The following UST variants were observed in gnomAD, a reference collection of about 807,000 sequenced individuals.
UST encodes uronyl 2-sulfotransferase, also known as chondroitin sulfate 2-O-sulfotransferase.
In UST, 21 loss-of-function variants were observed where a neutral mutation model predicts 45.6. The ratio of observed to expected loss-of-function variants is 0.46; its 90% CI spans 0.33 to 0.66. The LOEUF (loss-of-function observed/expected upper bound fraction) is 0.66, where lower values mean the gene tolerates loss of function less well. Among genes scored for constraint, UST ranks in the 30% least tolerant of loss-of-function variants. The probability of loss-of-function intolerance (pLI) is 0.02; values close to 1 mark genes in which losing one functional copy is unlikely to be tolerated. For missense variants in UST, 463 were observed against 512.4 expected, an observed-to-expected ratio of 0.90 and a Z score of 0.93; for synonymous variants, 215 against 200.6, an observed-to-expected ratio of 1.07 and a Z score of -0.61.
chr6:148,770,756 G>A (rs1031141318), intron 1 of UST, among the ~76,000 whole-genome samples: 1 of 152,144 alleles, frequency 6.6e-6, no homozygotes, highest in African/African-American at 2.4e-5. Flanking sequence ...CTGCAGACAA[G>A]GAGCCTGAAT....
chr6:149,004,512 G>A (rs1781609427), intron 5 of UST, among the ~76,000 whole-genome samples: 1 of 152,206 alleles, frequency 6.6e-6, no homozygotes, highest in Non-Finnish European at 1.5e-5. Context: ...GGTGCCCCAG[G>A]AAGGGGCCCC....
intron 2 of UST, among the ~76,000 whole-genome samples, chr6:148,907,994 C>T (rs1219365667): frequency 1.4e-5 from 2 of 147,864 alleles, no homozygotes; most frequent in Non-Finnish European, 1.5e-5. Flanking sequence ...CTGCAACCTC[C>T]GTCTCGCAGG....
intron 1 of UST, among the ~76,000 whole-genome samples, chr6:148,778,805 A>G (rs1375743313): frequency 6.6e-6 from 1 of 152,208 alleles, no homozygotes; most frequent in Non-Finnish European, 1.5e-5. Flanking sequence ...TTATAAAGCC[A>G]TTACATGGTA....
At chr6:148,809,834 C>G (rs1008188658) in intron 1 of UST, among the ~76,000 whole-genome samples, 6 of 152,218 alleles carry the variant, frequency 3.9e-5, no homozygotes, top group African/African-American at 1.4e-4. Context: ...TGGCATCATT[C>G]CAGTGGTTGT....
intron 1 of UST, among the ~76,000 whole-genome samples, chr6:148,833,054 C>T (rs4897057): frequency 0.78 from 119,327 of 152,202 alleles, 47,569 homozygotes; most frequent in East Asian, 0.99. Flanking sequence ...TCTTGACCCC[C>T]TGTCCTCCTG....
At chr6:148,905,539 C>T (rs1173151630) in intron 2 of UST, among the ~76,000 whole-genome samples, 2 of 152,238 alleles carry the variant, frequency 1.3e-5, no homozygotes, top group African/African-American at 2.4e-5. Context: ...CCATTGGCTC[C>T]CTTCCCCTCC....
At chr6:148,794,126 A>G (rs1026896344) in intron 1 of UST, among the ~76,000 whole-genome samples, 4 of 152,250 alleles carry the variant, frequency 2.6e-5, no homozygotes, top group Non-Finnish European at 5.9e-5. Flanking sequence ...AGATTTCTCC[A>G]AGATACTTTC....
chr6:148,776,769 T>C (rs540330881), intron 1 of UST, among the ~76,000 whole-genome samples: 2 of 152,356 alleles, frequency 1.3e-5, no homozygotes, highest in South Asian at 4.1e-4. Flanking sequence ...GTGGAACTAT[T>C]AGTCATCGTT....
At chr6:149,058,586 G>A (rs182966988) in intron 7 of UST, among the ~76,000 whole-genome samples, 2 of 152,226 alleles carry the variant, frequency 1.3e-5, no homozygotes, top group South Asian at 2.1e-4. Context: ...TTATCCAGAT[G>A]AAAAACCAGT....
intron 5 of UST, among the ~76,000 whole-genome samples, chr6:149,016,916 C>T (rs566319953): frequency 1.1e-4 from 17 of 152,196 alleles, no homozygotes; most frequent in Non-Finnish European, 2.2e-4. Context: ...TTGGGTCCCT[C>T]GGACTAAAGG....
At chr6:148,864,357 G>T (rs111846897) in intron 1 of UST, among the ~76,000 whole-genome samples, 2,043 of 152,314 alleles carry the variant, frequency 0.013, 30 homozygotes, top group Admixed American at 0.025. Context: ...TTGGAAAATC[G>T]CAGTATTAGG....
chr6:148,950,198 C>T (rs77668163), intron 3 of UST, among the ~76,000 whole-genome samples: 3,551 of 152,280 alleles, frequency 0.023, 43 homozygotes, highest in Non-Finnish European at 0.028. Flanking sequence ...CCCCTTCCCC[C>T]AGAGTTCCTT....
chr6:148,918,720 A>G (rs755393078), intron 2 of UST, among the ~76,000 whole-genome samples: 7 of 152,102 alleles, frequency 4.6e-5, no homozygotes, highest in Non-Finnish European at 1.0e-4. Context: ...TGCAGCGGTA[A>G]CCTCGTTATG....
At chr6:148,881,007 T>C (rs1242877943) in intron 1 of UST, among the ~76,000 whole-genome samples, 2 of 150,482 alleles carry the variant, frequency 1.3e-5, no homozygotes, top group Admixed American at 1.3e-4. Context: ...CCAGCCTGGG[T>C]GACAGAACCA....
At chr6:148,821,674 A>C (rs1392797949) in intron 1 of UST, among the ~76,000 whole-genome samples, 1 of 152,224 alleles carries the variant, frequency 6.6e-6, no homozygotes, top group Non-Finnish European at 1.5e-5. Flanking sequence ...GTCAGAATCA[A>C]TTATTACCAA....
At chr6:148,897,462 G>C (rs1779157252) in intron 2 of UST, among the ~76,000 whole-genome samples, 1 of 150,648 alleles carries the variant, frequency 6.6e-6, no homozygotes, top group Non-Finnish European at 1.5e-5. Context: ...TTACAGGCTT[G>C]AGCCACCAGG....
At chr6:148,986,037 A>G (rs1421106508) in intron 5 of UST, among the ~76,000 whole-genome samples, 3 of 152,204 alleles carry the variant, frequency 2.0e-5, no homozygotes, top group Non-Finnish European at 4.4e-5. Context: ...GTTTTAAGAA[A>G]GTTTCAGTCA....
In UST at chr6:148,822,827, T is replaced by C. The variant is rs544665716; in HGVS notation, c.248-64159T>C. On this transcript the variant is annotated intron_variant, in intron 1 of 7. Coordinates refer to ENST00000367463, the MANE Select transcript of UST (RefSeq NM_005715.3). ...AGAACTTGAAAAGGCAAACTATATA[T>C]ATTATGGATAGTGCAAACATTTCTG... Among the ~76,000 whole-genome samples, 9 of 152,356 alleles carry C rather than the reference T, an allele frequency of 5.9e-5. No individual in the cohort carries two copies. In the South Asian group the frequency reaches 1.7e-3, roughly 28 times the overall value.
chr6:149,022,387 G>A (rs1402900998), intron 7 of UST, among the ~76,000 whole-genome samples: 4 of 152,070 alleles, frequency 2.6e-5, no homozygotes, highest in African/African-American at 4.8e-5. Flanking sequence ...ATCACCTGAC[G>A]TCAGGAGTTC....
Sources: gnomAD v4.1 joint callset for allele counts (sites outside exome capture counted in the v4.1 genomes callset) on GRCh38, gnomAD v4.1.1 for gene constraint, MANE v1.5 for transcripts, NCBI Gene and HGNC (gene_info 2026-07-23, HGNC 2026-07-21) for gene names.